PIK3R6: variants seen among roughly 807,000 people sequenced by gnomAD.
PIK3R6 encodes the protein phosphoinositide 3-kinase regulatory subunit 6.
A neutral mutation model predicts 84.9 loss-of-function variants in PIK3R6; 91 were observed. The ratio of observed to expected loss-of-function variants is 1.07; its 90% CI spans 0.90 to 1.28. The LOEUF (loss-of-function observed/expected upper bound fraction) is 1.28, where lower values mean the gene tolerates loss of function less well. Among genes scored for constraint, PIK3R6 ranks in the 50% most tolerant of loss-of-function variants. The probability of loss-of-function intolerance (pLI) is 0.00; values close to 1 mark genes in which losing one functional copy is unlikely to be tolerated. For synonymous variants in PIK3R6, 416 were observed against 411.4 expected (o/e 1.01, Z -0.13); for missense variants, 996 against 985.1 (o/e 1.01, Z -0.15).
At chr17:8,830,977 A>C (rs1371179448) in intron 9 of PIK3R6, among the ~76,000 whole-genome samples, 1 of 151,832 alleles carries the variant, frequency 6.6e-6, no homozygotes, top group Non-Finnish European at 1.5e-5. Context: ...CCCCGTCTCT[A>C]CTAAAAAAAC....
intron 18 of PIK3R6, among the ~76,000 whole-genome samples, chr17:8,814,368 C>T (rs1026249293): frequency 1.1e-4 from 17 of 151,584 alleles, no homozygotes; most frequent in Non-Finnish European, 1.8e-4. Context: ...TACAGGCATG[C>T]ACCACCATGC....
Position 8,819,031 on chromosome 17 carries a change from C to G in PIK3R6, c.1995+52G>C, listed in dbSNP as rs1259194124. On this transcript the variant is annotated intron_variant, in intron 18 of 19. Transcript: ENST00000619866. ...CCCTCCCCTCTGGGCTCCCAGCCAC[C>G]TACTGCTGTCCCAGCTGGCTGTCTC... is the stretch of plus-strand genomic sequence containing the variant. The G allele has an allele frequency of 3.6e-6, 5 of 1,392,000 alleles. No individual in the cohort carries two copies. In the East Asian group the frequency reaches 1.0e-4, roughly 28 times the overall value. The allele number at this position is 1,392,000 out of a possible 1,614,324, so 86.2% of individuals were successfully genotyped here. A position where few individuals can be genotyped will look rare whatever the true frequency, so the allele number is the denominator to read the frequency against.
chr17:8,826,971 G>A (rs1156378389), intron 13 of PIK3R6, among the ~76,000 whole-genome samples: 3 of 152,046 alleles, frequency 2.0e-5, no homozygotes, highest in African/African-American at 7.2e-5. Flanking sequence ...CCACTATCTG[G>A]TTAGGGCCCC....
At position 8,862,236 on chromosome 17, in the gene PIK3R6, G is replaced by T. The variant is rs959240947; in HGVS notation, c.-92+5293C>A. Reference sequence around the variant, plus strand: ...AAAATATAAGCTCCCCATGGGAAGGGGCTCCATTTTGCTCACTGTTGAGTC... The same window carrying T: ...AAAATATAAGCTCCCCATGGGAAGGTGCTCCATTTTGCTCACTGTTGAGTC... On this transcript the variant is annotated intron_variant, in intron 1 of 19. Transcript: ENST00000619866. This position sits in a 1 kb window ranked among gnomAD's most constrained non-coding sequence, Gnocchi z 4.3. Among the ~76,000 whole-genome samples the T allele has an allele frequency of 1.3e-5, 2 of 152,102 alleles. No homozygotes were observed. Among genetic ancestry groups the T allele is most frequent in the African/African-American group, 4.8e-5 (2 of 41,412 alleles).
At position 8,828,562 on chromosome 17, in the gene PIK3R6, C is replaced by T. The variant is rs1253509546; in HGVS notation, c.1313+5G>A. 1.9e-6 allele frequency: 3 copies of T among 1,611,660 alleles called. No homozygotes were observed. Among genetic ancestry groups the T allele is most frequent in the South Asian group, 1.1e-5 (1 of 90,960 alleles). ...CCACCCCCAGCCCCCACGTCGGGGC[C>T]CCACCTGAGTCTGTGGTAGGCCTGG... On this transcript the variant is annotated splice_donor_5th_base_variant and intron_variant, in intron 11 of 19. Transcript: ENST00000619866.
intron 2 of PIK3R6, among the ~76,000 whole-genome samples, chr17:8,845,598 C>T (rs1381593217): frequency 6.6e-6 from 1 of 151,816 alleles, no homozygotes; most frequent in Non-Finnish European, 1.5e-5. Context: ...ATATTTTCTC[C>T]CATTCTGTAG....
intron 13 of PIK3R6, among the ~76,000 whole-genome samples, chr17:8,824,599 G>A (rs115600773): frequency 0.016 from 2,486 of 152,250 alleles, 70 homozygotes; most frequent in African/African-American, 0.055. Context: ...TGTGGAAACC[G>A]CTTTTGGAGT....
intron 15 of PIK3R6, 92 bp downstream of exon 15, chr17:8,822,904 C>A (rs116635499): frequency 9.0e-7 from 1 of 1,107,320 alleles, no homozygotes; most frequent in South Asian, 1.2e-5. Context: ...AGGGTGTGGG[C>A]GTGCAGGCAT....
At chr17:8,822,060 T>C in intron 16 of PIK3R6, 124 bp from the exon 17 acceptor site, 1 of 753,516 alleles carries the variant, frequency 1.3e-6, no homozygotes, top group East Asian at 2.8e-5. Context: ...GTCTTTTTTT[T>C]TTTTTTTTTT....
At chr17:8,848,961 G>A (rs1175140001) in intron 2 of PIK3R6, among the ~76,000 whole-genome samples, 4 of 152,204 alleles carry the variant, frequency 2.6e-5, no homozygotes, top group Non-Finnish European at 5.9e-5. Flanking sequence ...GGGAATTAGA[G>A]TCTCAGCGTG....
chr17:8,811,123 C>T (rs1043612121), intron 18 of PIK3R6, among the ~76,000 whole-genome samples: 2 of 148,930 alleles, frequency 1.3e-5, no homozygotes, highest in Non-Finnish European at 2.9e-5. Flanking sequence ...TTCTTGACTT[C>T]TGTGCACTTG....
intron 1 of PIK3R6, among the ~76,000 whole-genome samples, chr17:8,859,833 C>T (rs1448309453): frequency 1.3e-5 from 2 of 152,158 alleles, no homozygotes; most frequent in African/African-American, 4.8e-5. Flanking sequence ...CTCTAGTTTA[C>T]AGACCACGGA....
At chr17:8,830,293 G>A (rs2088188969) in intron 9 of PIK3R6, among the ~76,000 whole-genome samples, 1 of 152,216 alleles carries the variant, frequency 6.6e-6, no homozygotes. Flanking sequence ...GGGGCAGCAG[G>A]AACCCCGGGC....
At chr17:8,831,807 A>ACC (rs1349755631) in intron 9 of PIK3R6, among the ~76,000 whole-genome samples, 1 of 152,180 alleles carries the variant, frequency 6.6e-6, no homozygotes, top group Non-Finnish European at 1.5e-5. Context: ...ACTTTGAATG[A>ACC]CCACGAAATA....
intron 18 of PIK3R6, among the ~76,000 whole-genome samples, chr17:8,818,745 G>A (rs919655125): frequency 6.6e-6 from 1 of 152,208 alleles, no homozygotes; most frequent in African/African-American, 2.4e-5. Flanking sequence ...TTGGGCTGTT[G>A]TTGTTTAGGA....
intron 2 of PIK3R6, among the ~76,000 whole-genome samples, chr17:8,846,292 G>T (rs2088813707): frequency 6.6e-6 from 1 of 152,048 alleles, no homozygotes. Context: ...TTTATTTCTG[G>T]ATTCTCTATT....
intron 4 of PIK3R6, among the ~76,000 whole-genome samples, 158 bp from the exon 5 acceptor site, chr17:8,838,029 G>A (rs760600512): frequency 5.9e-5 from 9 of 152,128 alleles, no homozygotes; most frequent in Non-Finnish European, 8.8e-5. Context: ...GAGTGGGGAG[G>A]GGAGGGCACA....
intron 2 of PIK3R6, among the ~76,000 whole-genome samples, chr17:8,845,758 C>G (rs1376693697): frequency 2.6e-5 from 4 of 152,026 alleles, no homozygotes; most frequent in African/African-American, 9.7e-5. Context: ...ACTAGCCTGG[C>G]TAACACGGCA....
chr17:8,831,328 T>TAAAAAAAAAAAAAAA (rs60650147), intron 9 of PIK3R6, among the ~76,000 whole-genome samples: 1 of 33,076 alleles, frequency 3.0e-5, no homozygotes, highest in African/African-American at 1.4e-4. Context: ...AGACCCTGTC[T>TAAAAAAAAAAAAAAA]AAAAAAAAAA....
Sources: allele counts gnomAD v4.1 joint callset (sites outside exome capture counted in the v4.1 genomes callset), GRCh38; gene constraint gnomAD v4.1.1; non-coding constraint Gnocchi (gnomAD v3.1); transcripts MANE v1.5; gene names NCBI Gene and HGNC (gene_info 2026-07-23, HGNC 2026-07-21).